Variants in ARHGEF12 observed in about 807,000 individuals in gnomAD.
ARHGEF12 encodes KMT2A/ARHGEF12 fusion protein.
Under a neutral mutation model 211.2 loss-of-function variants are expected in ARHGEF12, and 66 were observed. The ratio of observed to expected loss-of-function variants is 0.31; its 90% CI spans 0.26 to 0.38. ARHGEF12 has a LOEUF of 0.38. ARHGEF12 is among the 10% of genes least tolerant of loss of function. The pLI is 1.00. For synonymous variants in ARHGEF12, 592 were observed against 638.4 expected (o/e 0.93, Z 1.09); for missense variants, 1,429 against 1,869.5 (o/e 0.76, Z 4.34).
chr11:120,365,850 T>C (rs1943407624), intron 1 of ARHGEF12: 1 of 152,156 alleles, frequency 6.6e-6, no homozygotes, highest in Non-Finnish European at 1.5e-5. Context: ...GGTCAAATTA[T>C]AGAAATTGCA....
intron 37 of ARHGEF12, among the ~76,000 whole-genome samples, chr11:120,478,981 C>CTA (rs2135997280): frequency 6.6e-6 from 1 of 152,288 alleles, no homozygotes; most frequent in South Asian, 2.1e-4. Flanking sequence ...CAGAAAAGGA[C>CTA]TACCACTGCT....
intron 36 of ARHGEF12, 118 bp from the exon 37 acceptor site, chr11:120,478,036 CAG>C: frequency 1.4e-6 from 1 of 699,748 alleles, no homozygotes. Flanking sequence ...TTTTTCTTAA[CAG>C]ATGATCTCTG....
chr11:120,349,151 G>T (rs1471575825), intron 1 of ARHGEF12, among the ~76,000 whole-genome samples: 1 of 152,190 alleles, frequency 6.6e-6, no homozygotes, highest in Non-Finnish European at 1.5e-5. Context: ...TATTTACCAG[G>T]AAGCCCTGCA....
chr11:120,458,110 A>C lies in ARHGEF12; in HGVS notation c.2256A>C (p.Gln752His). 2 of 1,608,610 alleles carry C rather than the reference A, an allele frequency of 1.2e-6. No individual in the cohort carries two copies. The highest frequency in any genetic ancestry group is 1.7e-6 in the Non-Finnish European group (2 of 1,178,886). The change falls in exon 25 of 41, where the codon CAA (glutamine) becomes CAC (histidine). Residue 752 changes from glutamine to histidine, a missense_variant. By Grantham distance (24) the Gln-to-His change is conservative. Transcript: ENST00000397843. ...ACAGTGTAGCTTTTGGAGAAAGTCA[A>C]AGTGAGGATGAACAATTTGAAAATG... ...KFDSVAFGES[Q>H]SEDEQFENDL...
At chr11:120,412,684 T>C (rs1405446390) in intron 4 of ARHGEF12, among the ~76,000 whole-genome samples, 2 of 152,178 alleles carry the variant, frequency 1.3e-5, no homozygotes, top group Non-Finnish European at 2.9e-5. Context: ...CAGTCTCCAG[T>C]CTAAGTGTCC....
chr11:120,467,984 G>T (rs1448971569), intron 29 of ARHGEF12, among the ~76,000 whole-genome samples: 2 of 152,182 alleles, frequency 1.3e-5, no homozygotes, highest in African/African-American at 4.8e-5. Flanking sequence ...CCTACAAAGT[G>T]TAAAATTATC....
intron 4 of ARHGEF12, among the ~76,000 whole-genome samples, chr11:120,412,067 G>T (rs1431425562): frequency 6.6e-6 from 1 of 152,118 alleles, no homozygotes; most frequent in Non-Finnish European, 1.5e-5. Context: ...CGGTCAGTTG[G>T]TTATTTATTC....
chr11:120,467,356 A>G (rs1221215989), intron 29 of ARHGEF12, 48 bp downstream of exon 29: 1 of 1,116,596 alleles, frequency 9.0e-7, no homozygotes, highest in Non-Finnish European at 1.4e-6. Flanking sequence ...ACAACAACGA[A>G]ACACCCAATA....
intron 1 of ARHGEF12, among the ~76,000 whole-genome samples, chr11:120,400,381 C>CT (rs1241822796): frequency 6.6e-5 from 10 of 152,076 alleles, no homozygotes; most frequent in Non-Finnish European, 1.3e-4. Context: ...ATATTAATAT[C>CT]TCTTCCATAA....
At chr11:120,421,152 G>A (rs114880790) in intron 5 of ARHGEF12, among the ~76,000 whole-genome samples, 1,710 of 152,270 alleles carry the variant, frequency 0.011, 32 homozygotes, top group African/African-American at 0.039. Flanking sequence ...TGGCACCACT[G>A]ATATTTTGGC....
In ARHGEF12 at chr11:120,482,254, T is replaced by A. The variant is rs367689842; in HGVS notation, c.4554+678T>A. 1.1e-4 allele frequency among the ~76,000 whole-genome samples: 17 copies of A among 152,330 alleles called. No homozygotes were observed. In the South Asian group the frequency reaches 1.7e-3, roughly 15 times the overall value. On this transcript the variant is annotated intron_variant, in intron 39 of 40. Coordinates refer to ENST00000397843, the MANE Select transcript of ARHGEF12 (RefSeq NM_015313.3). ...TCTAGGCTGAGAAATGCTATGACTT[T>A]CTGTAGCCTATTATCTGTGACTCAT...
intron 11 of ARHGEF12, 127 bp downstream of exon 11, chr11:120,432,038 A>G: frequency 1.2e-6 from 1 of 862,988 alleles, no homozygotes; most frequent in Non-Finnish European, 1.6e-6. Context: ...TTTTTAATGT[A>G]CCAATTTGAT....
chr11:120,482,445 T>C (rs1488100357), intron 39 of ARHGEF12, among the ~76,000 whole-genome samples: 1 of 152,066 alleles, frequency 6.6e-6, no homozygotes, highest in Non-Finnish European at 1.5e-5. Flanking sequence ...GAAAGACCTA[T>C]CTTAAAGTTT....
At chr11:120,373,023 A>AT (rs34816067) in intron 1 of ARHGEF12, among the ~76,000 whole-genome samples, 65,675 of 151,958 alleles carry the variant, frequency 0.43, 14,592 homozygotes, top group African/African-American at 0.53. Flanking sequence ...CTGAAACAAG[A>AT]TTTTTTCTTA....
chr11:120,478,432 G>A (rs1387566605), intron 37 of ARHGEF12, 43 bp downstream of exon 37: 2 of 1,507,778 alleles, frequency 1.3e-6, no homozygotes, highest in Admixed American at 3.4e-5. Flanking sequence ...TACTAAGTAT[G>A]ACACTCATGT....
At chr11:120,371,728 T>G (rs1462435891) in intron 1 of ARHGEF12, among the ~76,000 whole-genome samples, 2 of 152,204 alleles carry the variant, frequency 1.3e-5, no homozygotes, top group Non-Finnish European at 2.9e-5. Context: ...TAATTAAGCC[T>G]CTCTGCTTTC....
At chr11:120,361,278 A>G (rs937402627) in intron 1 of ARHGEF12, among the ~76,000 whole-genome samples, 11 of 152,204 alleles carry the variant, frequency 7.2e-5, no homozygotes, top group African/African-American at 2.7e-4. Context: ...GGGACGCATT[A>G]GATTCTCATA....
At chr11:120,398,956 C>CT (rs769166207) in intron 1 of ARHGEF12, among the ~76,000 whole-genome samples, 1 of 151,890 alleles carries the variant, frequency 6.6e-6, no homozygotes, top group Non-Finnish European at 1.5e-5. Context: ...TATGTTCAAT[C>CT]TTTATTCCAT....
At chr11:120,381,909 T>C (rs1943889641) in intron 1 of ARHGEF12, among the ~76,000 whole-genome samples, 1 of 152,216 alleles carries the variant, frequency 6.6e-6, no homozygotes, top group African/African-American at 2.4e-5. Flanking sequence ...ATACAGTCTT[T>C]GGATTTTTCC....
Sources: gnomAD v4.1 joint callset for allele counts (sites outside exome capture counted in the v4.1 genomes callset) on GRCh38, gnomAD v4.1.1 for gene constraint, MANE v1.5 for transcripts, NCBI Gene and HGNC (gene_info 2026-07-23, HGNC 2026-07-21) for gene names.